The following ASDURF variants were observed in gnomAD, a reference collection of about 807,000 sequenced individuals.
ASDURF encodes ASNSD1 upstream open reading frame.
A neutral mutation model predicts 3.3 loss-of-function variants in ASDURF; 3 were observed. That is an observed-to-expected ratio of 0.92 (90% CI 0.42 to 2.37). The LOEUF (loss-of-function observed/expected upper bound fraction) is 2.37, where lower values mean the gene tolerates loss of function less well. Among genes scored for constraint, ASDURF ranks in the 30% most tolerant of loss-of-function variants. The pLI is 0.05. For synonymous variants in ASDURF, 11 were observed against 8.3 expected, an observed-to-expected ratio of 1.32 and a Z score of -0.55; for missense variants, 23 against 25.4, an observed-to-expected ratio of 0.90 and a Z score of 0.21.
At chr2:189,663,764 C>T (rs2105682794) in intron 1 of ASDURF, 137 bp from the exon 2 acceptor site, 1 of 334,394 alleles carries the variant, frequency 3.0e-6, no homozygotes. Flanking sequence ...TCTGTATATT[C>T]ACAAACTGCC....
At chr2:189,664,615 G>A (rs1360113720) in intron 2 of ASDURF, among the ~76,000 whole-genome samples, 3 of 152,198 alleles carry the variant, frequency 2.0e-5, no homozygotes, top group South Asian at 2.1e-4. Flanking sequence ...AAATTAGCCA[G>A]GCGTGTGCCT....
At chr2:189,665,606 A>G (rs1019931326) in intron 3 of ASDURF, among the ~76,000 whole-genome samples, 155 bp downstream of exon 3, 674 of 9,042 alleles carry the variant, frequency 0.075, 32 homozygotes, top group South Asian at 0.29. Flanking sequence ...GTGTATATAT[A>G]TATATATATA....
chr2:189,663,605 T>C (rs2032723031), intron 1 of ASDURF, among the ~76,000 whole-genome samples: 1 of 152,246 alleles, frequency 6.6e-6, no homozygotes, highest in African/African-American at 2.4e-5. Flanking sequence ...TTAGTAACTG[T>C]AGTCCTTGGC....
chr2:189,663,910 CA>C lies in ASDURF; in HGVS notation c.106del (p.Ile36LeufsTer44). 1 of 387,858 alleles carries C rather than the reference CA, an allele frequency of 2.6e-6. No homozygotes were observed. 24.0% of individuals were successfully genotyped at this position (387,858 alleles called of 1,614,324 possible). A position where few individuals can be genotyped will look rare whatever the true frequency, so the allele number is the denominator to read the frequency against. The part of the protein sequence containing the change: ...KEDLSSKIKE[Q>X]KIVVDELSNL... The stretch of plus-strand genomic sequence containing the variant: ...TTCTTTATTTCAATAGATTAAAGAA[CA>C]AAAAATTGTGGTGGATGAACTTTCT... On this transcript the variant is annotated frameshift_variant, in exon 2 of 4. Transcript: ENST00000607829. LOFTEE classifies it high-confidence loss of function.
Position 189,666,224 on chromosome 2 carries a change from G to A in ASDURF, c.*113G>A, listed in dbSNP as rs374873404. 3.1e-6 allele frequency: 5 copies of A among 1,613,840 alleles called. No homozygotes were observed. The African/African-American group carries it at 6.7e-5, about 22-fold the overall frequency. Reference sequence around the variant, plus strand: ...TTACTATATAATCTTAAACAGCGGGGACCCAATAGTAGTAAACAATTGTTA... The same window carrying A: ...TTACTATATAATCTTAAACAGCGGGAACCCAATAGTAGTAAACAATTGTTA... On this transcript the variant is annotated 3_prime_UTR_variant, in exon 4 of 4. Coordinates refer to ENST00000607829, the MANE Select transcript of ASDURF (RefSeq NM_001353493.2).
intron 3 of ASDURF, 23 bp downstream of exon 3, chr2:189,665,474 T>A (rs2032763872): frequency 2.5e-6 from 1 of 394,496 alleles, no homozygotes; most frequent in South Asian, 1.3e-4. Context: ...TTTTTTGGGG[T>A]TTTTGGGGGG....
At chr2:189,664,990 G>T (rs1263991614) in intron 2 of ASDURF, among the ~76,000 whole-genome samples, 1 of 152,154 alleles carries the variant, frequency 6.6e-6, no homozygotes, top group Non-Finnish European at 1.5e-5. Context: ...TTGAAGCTGA[G>T]CAAATAAACT....
chr2:189,665,007 T>TATAGCAAATAAACTGTA (rs2032753657), intron 2 of ASDURF, among the ~76,000 whole-genome samples: 4 of 152,226 alleles, frequency 2.6e-5, no homozygotes, highest in African/African-American at 9.6e-5. Context: ...AACTGTAATA[T>TATAGCAAATAAACTGTA]ATTATATCTA....
At chr2:189,663,834 T>G (rs2032727606) in intron 1 of ASDURF, 67 bp from the exon 2 acceptor site, 1 of 368,046 alleles carries the variant, frequency 2.7e-6, no homozygotes, top group Non-Finnish European at 4.9e-6. Context: ...AAACAACCCC[T>G]TAAGGGATTT....
At chr2:189,665,640 ATATATATT>A (rs2032783922) in intron 3 of ASDURF, among the ~76,000 whole-genome samples, 189 bp downstream of exon 3, 3 of 119,448 alleles carry the variant, frequency 2.5e-5, no homozygotes, top group South Asian at 2.6e-4. Context: ...ATATATATAT[ATATATATT>A]ATAAATGTTT....
chr2:189,666,280 T>C lies in ASDURF; in HGVS notation c.*169T>C. On this transcript the variant is annotated 3_prime_UTR_variant, in exon 4 of 4. Coordinates refer to ENST00000607829, the MANE Select transcript of ASDURF (RefSeq NM_001353493.2). Reference sequence around the variant, plus strand: ...TGATGTTAACTACCAGTGTTTATTTTCTGCTCACGTCCTACACTTGAGGGG... The same window carrying C: ...TGATGTTAACTACCAGTGTTTATTTCCTGCTCACGTCCTACACTTGAGGGG... 6.2e-7 allele frequency: 1 copy of C among 1,614,176 alleles called. No homozygotes were observed. Among genetic ancestry groups the C allele is most frequent in the South Asian group, 1.1e-5 (1 of 91,076 alleles).
At position 189,665,182 on chromosome 2, in the gene ASDURF, A is replaced by G. The variant is rs563816661; in HGVS notation, c.145-194A>G. 6.6e-5 allele frequency among the ~76,000 whole-genome samples: 10 copies of G among 152,272 alleles called. No individual in the cohort carries two copies. In the East Asian group the frequency reaches 1.9e-3, roughly 29 times the overall value. ...ACCTTTTTTGTTAAAATGGAGAGAAAATAGTTTCATTTCAGTAGTAGCAAT... is the reference window on the plus strand; with the variant it reads ...ACCTTTTTTGTTAAAATGGAGAGAAGATAGTTTCATTTCAGTAGTAGCAAT... On this transcript the variant is annotated intron_variant, in intron 2 of 3. Transcript: ENST00000607829.
intron 1 of ASDURF, among the ~76,000 whole-genome samples, 183 bp from the exon 2 acceptor site, chr2:189,663,718 A>C (rs2032725571): frequency 6.6e-6 from 1 of 152,168 alleles, no homozygotes; most frequent in African/African-American, 2.4e-5. Context: ...CTTTTCCTGA[A>C]CTGTACCCCC....
intron 2 of ASDURF, 149 bp downstream of exon 2, chr2:189,664,103 ATTCT>A (rs2105683162): frequency 3.0e-6 from 1 of 327,986 alleles, no homozygotes; most frequent in South Asian, 1.6e-4. Flanking sequence ...AAGTGTCTAG[ATTCT>A]TTTTTTAAAT....
intron 3 of ASDURF, among the ~76,000 whole-genome samples, 170 bp downstream of exon 3, chr2:189,665,621 T>C (rs2032779262): frequency 1.7e-5 from 2 of 115,340 alleles, no homozygotes; most frequent in African/African-American, 6.6e-5. Flanking sequence ...TATATATATA[T>C]ATATATATAT....
intron 2 of ASDURF, among the ~76,000 whole-genome samples, chr2:189,665,017 A>G (rs143723549): frequency 7.2e-5 from 11 of 152,344 alleles, no homozygotes; most frequent in African/African-American, 2.4e-4. Flanking sequence ...TATTATATCT[A>G]TATAGCAGTA....
intron 3 of ASDURF, among the ~76,000 whole-genome samples, chr2:189,665,736 C>G (rs940807589): frequency 6.0e-5 from 9 of 150,202 alleles, no homozygotes; most frequent in Non-Finnish European, 1.3e-4. Flanking sequence ...CACTTTCTAC[C>G]TTTGTGACTT....
chr2:189,665,552 T>A (rs2032765840), intron 3 of ASDURF, 101 bp downstream of exon 3: 1 of 322,450 alleles, frequency 3.1e-6, no homozygotes, highest in African/African-American at 2.3e-5. Context: ...TTTGATTTTC[T>A]TCAAATTAGG....
At chr2:189,665,561 G>A (rs2032765969) in intron 3 of ASDURF, 110 bp downstream of exon 3, 1 of 281,100 alleles carries the variant, frequency 3.6e-6, no homozygotes, top group African/African-American at 2.5e-5. Flanking sequence ...CTTCAAATTA[G>A]GCTTCCGAAG....
Sources: gnomAD v4.1 joint callset for allele counts (sites outside exome capture counted in the v4.1 genomes callset) on GRCh38, gnomAD v4.1.1 for gene constraint, MANE v1.5 for transcripts, NCBI Gene and HGNC (gene_info 2026-07-23, HGNC 2026-07-21) for gene names.